CNTN4: variants seen among roughly 807,000 people sequenced by gnomAD.
CNTN4 encodes contactin-4.
CNTN4 carries 77 observed loss-of-function variants against 122.5 expected under a neutral mutation model. The observed-to-expected ratio is 0.63, with a 90% CI of 0.52 to 0.76. The LOEUF (loss-of-function observed/expected upper bound fraction) is 0.76, where lower values mean the gene tolerates loss of function less well. Ranked by LOEUF, CNTN4 falls within the 30% of genes least tolerant of loss-of-function variation. CNTN4 has a pLI of 0.00. For missense variants in CNTN4, 1,256 were observed against 1,259.1 expected (o/e 1.00, Z 0.04); for synonymous variants, 512 against 447.0 (o/e 1.15, Z -1.83).
At chr3:2,226,447 A>T (rs2039287005) in intron 2 of CNTN4, among the ~76,000 whole-genome samples, 1 of 152,222 alleles carries the variant, frequency 6.6e-6, no homozygotes, top group Admixed American at 6.5e-5. Context: ...AGCAGGAGCT[A>T]CTGAAGTGGC....
chr3:2,901,668 G>C lies in CNTN4; in HGVS notation c.1077+847G>C, dbSNP rs572136959. On this transcript the variant is annotated intron_variant, in intron 11 of 24. Coordinates refer to ENST00000418658, the MANE Select transcript of CNTN4 (RefSeq NM_175607.3). ...TAGGTCCTGTTGCTTGCTGTGCAGA[G>C]AGCCAATCACTGAGAGAGTGAGTAT... Among the ~76,000 whole-genome samples, 11 of 152,314 alleles carry C rather than the reference G, an allele frequency of 7.2e-5. No individual in the cohort carries two copies. In the South Asian group the frequency reaches 2.3e-3, roughly 32 times the overall value.
chr3:2,382,883 G>A (rs1188985805), intron 3 of CNTN4, among the ~76,000 whole-genome samples: 1 of 152,070 alleles, frequency 6.6e-6, no homozygotes, highest in East Asian at 1.9e-4. Context: ...AGACCAGCCT[G>A]GCCAACATGG....
At chr3:2,883,355 T>C in intron 9 of CNTN4, 108 bp downstream of exon 9, 1 of 795,360 alleles carries the variant, frequency 1.3e-6, no homozygotes, top group Non-Finnish European at 2.1e-6. Flanking sequence ...GAAAAGCAAG[T>C]GAAGCCTTTC....
chr3:2,835,238 A>T (rs527946761), intron 7 of CNTN4, among the ~76,000 whole-genome samples: 1 of 152,168 alleles, frequency 6.6e-6, no homozygotes, highest in South Asian at 2.1e-4. Context: ...AAATACACAA[A>T]CCACAATGAA....
In CNTN4 at chr3:2,853,426, G is replaced by A. The variant is rs764201825; in HGVS notation, c.455-13326G>A. ...CGCCCAGCTCATTTTTGAATTTTTA[G>A]TAGAGATGGAGTTTCACCACATTGG... On this transcript the variant is annotated intron_variant, in intron 7 of 24. Coordinates refer to ENST00000418658, the MANE Select transcript of CNTN4 (RefSeq NM_175607.3). Among the ~76,000 whole-genome samples, 11 of 152,112 alleles carry A rather than the reference G, an allele frequency of 7.2e-5. No individual in the cohort carries two copies. The Middle Eastern group carries it at 9.5e-3, about 131-fold the overall frequency.
At chr3:2,638,159 T>A (rs1456013298) in intron 4 of CNTN4, among the ~76,000 whole-genome samples, 5 of 152,140 alleles carry the variant, frequency 3.3e-5, no homozygotes, top group African/African-American at 9.7e-5. Context: ...ATTGGAAAAA[T>A]TTTTCCATTA....
At position 3,006,165 on chromosome 3, in the gene CNTN4, C is replaced by A. The variant is rs370831508; in HGVS notation, c.1486+17693C>A. ...TGCTGGGATTACAGGCATGAGCCAC[C>A]GCGCCCAGCCCACGCTGTGTAGATT... On this transcript the variant is annotated intron_variant, in intron 14 of 24. Transcript: ENST00000418658. Among the ~76,000 whole-genome samples the A allele has an allele frequency of 2.0e-5, 3 of 152,088 alleles. No individual in the cohort carries two copies. In the South Asian group the frequency reaches 6.2e-4, roughly 31 times the overall value.
At chr3:2,296,275 G>A (rs2042307809) in intron 2 of CNTN4, among the ~76,000 whole-genome samples, 1 of 152,100 alleles carries the variant, frequency 6.6e-6, no homozygotes, top group South Asian at 2.1e-4. Context: ...GGGCAGTATG[G>A]CCATTTTCAT....
At chr3:2,359,621 G>A (rs148143875) in intron 3 of CNTN4, among the ~76,000 whole-genome samples, 1 of 152,080 alleles carries the variant, frequency 6.6e-6, no homozygotes, top group African/African-American at 2.4e-5. Flanking sequence ...CTCACTGCAA[G>A]CCCCGCCTCC....
chr3:2,354,178 C>G (rs993873345), intron 3 of CNTN4, among the ~76,000 whole-genome samples: 1 of 152,190 alleles, frequency 6.6e-6, no homozygotes, highest in Admixed American at 6.5e-5. Context: ...CCATTCAGTT[C>G]TATCTTGACT....
At chr3:2,764,435 A>G (rs901476357) in intron 6 of CNTN4, among the ~76,000 whole-genome samples, 5 of 152,338 alleles carry the variant, frequency 3.3e-5, no homozygotes, top group Non-Finnish European at 7.4e-5. Context: ...GGCATAGAGC[A>G]TGGTATTTTC....
At chr3:2,953,923 T>C (rs1324270714) in intron 13 of CNTN4, among the ~76,000 whole-genome samples, 1 of 152,216 alleles carries the variant, frequency 6.6e-6, no homozygotes, top group East Asian at 1.9e-4. Flanking sequence ...GCTAAGAATC[T>C]AGATAAAATG....
chr3:2,772,903 G>A (rs2091164115), intron 6 of CNTN4, among the ~76,000 whole-genome samples: 3 of 152,162 alleles, frequency 2.0e-5, no homozygotes, highest in African/African-American at 7.2e-5. Context: ...TAAGAGGGAG[G>A]AAGAGAAGAG....
chr3:2,455,977 AC>A (rs2048984048), intron 3 of CNTN4, among the ~76,000 whole-genome samples: 1 of 152,142 alleles, frequency 6.6e-6, no homozygotes, highest in Non-Finnish European at 1.5e-5. Flanking sequence ...GTAAGCACTT[AC>A]TATGTGGGAA....
chr3:3,029,138 C>T (rs1462490408), intron 15 of CNTN4, among the ~76,000 whole-genome samples: 4 of 152,230 alleles, frequency 2.6e-5, no homozygotes, highest in Admixed American at 6.5e-5. Context: ...AGACTTGATC[C>T]GTAAACAGTG....
chr3:2,708,722 G>A (rs1285089434), intron 4 of CNTN4, among the ~76,000 whole-genome samples: 1 of 135,584 alleles, frequency 7.4e-6, no homozygotes, highest in South Asian at 2.3e-4. Context: ...ACGCGCACGC[G>A]CGCATCACAC....
chr3:2,517,892 A>T (rs1276051863), intron 3 of CNTN4, among the ~76,000 whole-genome samples: 1 of 152,146 alleles, frequency 6.6e-6, no homozygotes, highest in Non-Finnish European at 1.5e-5. Context: ...GTGTGTGTTA[A>T]GTGTGAATCT....
intron 2 of CNTN4, among the ~76,000 whole-genome samples, chr3:2,236,024 A>G (rs1393125751): frequency 6.6e-6 from 1 of 152,196 alleles, no homozygotes; most frequent in Non-Finnish European, 1.5e-5. Context: ...AGAAGGGTTC[A>G]GGAAATTGAG....
chr3:2,431,473 A>G (rs978356223), intron 3 of CNTN4, among the ~76,000 whole-genome samples: 1 of 152,224 alleles, frequency 6.6e-6, no homozygotes, highest in African/African-American at 2.4e-5. Flanking sequence ...TTTGATACAA[A>G]CATCTCCACT....
Sources: allele counts gnomAD v4.1 joint callset (sites outside exome capture counted in the v4.1 genomes callset), GRCh38; gene constraint gnomAD v4.1.1; transcripts MANE v1.5; gene names NCBI Gene and HGNC (gene_info 2026-07-23, HGNC 2026-07-21).